The following BRINP2 variants were observed in gnomAD, a reference collection of about 807,000 sequenced individuals.
BRINP2 encodes BMP/retinoic acid-inducible neural-specific protein 2.
BRINP2 carries 21 observed loss-of-function variants against 69.2 expected under a neutral mutation model. The ratio of observed to expected loss-of-function variants is 0.30; its 90% CI spans 0.22 to 0.44. BRINP2 has a LOEUF of 0.44. BRINP2 is among the 20% of genes least tolerant of loss of function. The pLI, the probability that BRINP2 is intolerant of heterozygous loss-of-function variation, is 1.00. For missense variants in BRINP2, 877 were observed against 986.0 expected (o/e 0.89, Z 1.48); for synonymous variants, 380 against 394.1 (o/e 0.96, Z 0.42).
rs568465076 is a variant in BRINP2 at position 177,216,543 on chromosome 1, C to G, written c.-76-13258C>G. On this transcript the variant is annotated intron_variant, in intron 1 of 7. Transcript: ENST00000361539. ...TACTTTGCATACTACTATCACAGTC[C>G]TAGGCTATTCCACATTTTGCTACAT... is the stretch of plus-strand genomic sequence containing the variant. 1.7e-4 allele frequency among the ~76,000 whole-genome samples: 26 copies of G among 152,142 alleles called. No individual in the cohort carries two copies. In the South Asian group the frequency reaches 5.2e-3, roughly 30 times the overall value.
chr1:177,263,703 G>A (rs1651029974), intron 4 of BRINP2, among the ~76,000 whole-genome samples: 3 of 152,226 alleles, frequency 2.0e-5, no homozygotes, highest in Admixed American at 2.0e-4. Flanking sequence ...GATTTACAGA[G>A]TCTGGAGTGA....
intron 4 of BRINP2, among the ~76,000 whole-genome samples, chr1:177,263,961 G>C (rs1651038595): frequency 6.6e-6 from 1 of 152,146 alleles, no homozygotes; most frequent in Non-Finnish European, 1.5e-5. Flanking sequence ...AAACTATGCT[G>C]AGTGATCTTA....
chr1:177,270,085 G>A (rs201933417), intron 4 of BRINP2, among the ~76,000 whole-genome samples: 12 of 139,242 alleles, frequency 8.6e-5, no homozygotes, highest in Admixed American at 7.2e-4. Flanking sequence ...CAAGGGGTGG[G>A]GGGGGTGGTT....
chr1:177,186,567 T>C (rs1189162279), intron 1 of BRINP2, among the ~76,000 whole-genome samples: 1 of 152,062 alleles, frequency 6.6e-6, no homozygotes, highest in African/African-American at 2.4e-5. Context: ...CCTTCAAAGA[T>C]ACTTATGTAG....
At chr1:177,201,584 C>G (rs2861918) in intron 1 of BRINP2, among the ~76,000 whole-genome samples, 50,534 of 152,010 alleles carry the variant, frequency 0.33, 8,770 homozygotes, top group South Asian at 0.46. Context: ...ATTTAGCTGG[C>G]TGAAGTTTGC....
intron 1 of BRINP2, among the ~76,000 whole-genome samples, chr1:177,220,601 C>A (rs990457925): frequency 3.3e-5 from 5 of 152,198 alleles, no homozygotes; most frequent in African/African-American, 1.2e-4. Context: ...GCCAATCAAA[C>A]CCTTTTCTTT....
At chr1:177,190,329 A>G (rs1648551029) in intron 1 of BRINP2, among the ~76,000 whole-genome samples, 1 of 152,194 alleles carries the variant, frequency 6.6e-6, no homozygotes, top group Non-Finnish European at 1.5e-5. Context: ...CATTTAAAAC[A>G]TGTCCTTTCA....
chr1:177,173,103 C>T (rs1183071464), intron 1 of BRINP2, among the ~76,000 whole-genome samples: 1 of 152,182 alleles, frequency 6.6e-6, no homozygotes, highest in Non-Finnish European at 1.5e-5. Flanking sequence ...TGCTTTCCCT[C>T]CTGACTCACA....
Position 177,256,034 on chromosome 1 carries a change from C to T in BRINP2, c.385C>T (p.Pro129Ser). The change falls in exon 3 of 8, where the codon CCC becomes TCC. Residue 129 changes from proline (P) to serine (S), a missense_variant. Physicochemically the swap from Pro to Ser is moderately conservative, Grantham distance 74. Coordinates refer to ENST00000361539, the MANE Select transcript of BRINP2 (RefSeq NM_021165.4). ...IRNIRLLGRRPNLQQVTENLI... is the reference protein window; with the variant it reads ...IRNIRLLGRRSNLQQVTENLI... ...GAACATTCGCCTCCTTGGAAGGAGA[C>T]CCAATCTGCAACAGGTTACAGAAAA... 6 of 1,614,196 alleles carry T rather than the reference C, an allele frequency of 3.7e-6. No homozygotes were observed. Among genetic ancestry groups the T allele is most frequent in the Non-Finnish European group, 5.1e-6 (6 of 1,180,038 alleles).
intron 2 of BRINP2, among the ~76,000 whole-genome samples, chr1:177,249,140 C>T (rs755986610): frequency 3.3e-5 from 5 of 152,162 alleles, no homozygotes; most frequent in East Asian, 1.9e-4. Context: ...TTCTGAGTGT[C>T]GGTATGCTTG....
intron 1 of BRINP2, among the ~76,000 whole-genome samples, chr1:177,180,072 A>G (rs1409978684): frequency 6.6e-6 from 1 of 152,230 alleles, no homozygotes; most frequent in Non-Finnish European, 1.5e-5. Context: ...AAGTTCATAC[A>G]TATTTAATAT....
chr1:177,174,727 C>T (rs1249629087), intron 1 of BRINP2, among the ~76,000 whole-genome samples: 1 of 152,150 alleles, frequency 6.6e-6, no homozygotes, highest in African/African-American at 2.4e-5. Flanking sequence ...TGGGGTTTAC[C>T]CTGGGCTACC....
intron 1 of BRINP2, among the ~76,000 whole-genome samples, chr1:177,218,639 G>A (rs912187818): frequency 6.6e-6 from 1 of 152,104 alleles, no homozygotes; most frequent in African/African-American, 2.4e-5. Flanking sequence ...ACCTCAAAAT[G>A]CTGGGAAAGT....
At position 177,253,805 on chromosome 1, in the gene BRINP2, TC is replaced by T. The variant is rs1456542376; in HGVS notation, c.270-2112del. 3.9e-4 allele frequency among the ~76,000 whole-genome samples: 60 copies of T among 152,276 alleles called. 2 individuals are homozygous for T. The highest frequency in any genetic ancestry group is 2.4e-3 in the Admixed American group (37 of 15,296). On this transcript the variant is annotated intron_variant, in intron 2 of 7. Coordinates refer to ENST00000361539, the MANE Select transcript of BRINP2 (RefSeq NM_021165.4). ...ATATTCTCCTTTCCCCAATGTGTGT[TC>T]CTGGCACCTTTGTCAAAAATCCGTT...
intron 1 of BRINP2, among the ~76,000 whole-genome samples, chr1:177,179,213 T>C (rs1211568006): frequency 6.8e-6 from 1 of 147,246 alleles, no homozygotes; most frequent in African/African-American, 2.7e-5. Context: ...AATAGAGTAT[T>C]GTCAGACAGA....
rs558780115 is a variant in BRINP2, at chr1:177,256,883, C to A, written c.461-293C>A. The A allele has an allele frequency of 7.3e-6, 9 of 1,230,304 alleles. No individual in the cohort carries two copies. In the East Asian group the frequency reaches 3.9e-4, roughly 53 times the overall value. The allele number at this position is 1,230,304 out of a possible 1,614,324, so 76.2% of individuals were successfully genotyped here. ...CAACTTGAGAGAGAGAATTGTGTCT[C>A]CCCTATGAAGATGGATTGCTTGAGA... On this transcript the variant is annotated intron_variant, in intron 3 of 7. Transcript: ENST00000361539.
At chr1:177,180,756 C>T (rs1011723107) in intron 1 of BRINP2, among the ~76,000 whole-genome samples, 5 of 152,156 alleles carry the variant, frequency 3.3e-5, no homozygotes, top group African/African-American at 1.2e-4. Flanking sequence ...GTATTCAAAA[C>T]ACATTGAAGA....
intron 4 of BRINP2, among the ~76,000 whole-genome samples, chr1:177,260,290 A>T (rs566136345): frequency 2.0e-5 from 3 of 152,372 alleles, no homozygotes; most frequent in Non-Finnish European, 4.4e-5. Context: ...TTATGATAAA[A>T]TGTGAATAAA....
intron 1 of BRINP2, among the ~76,000 whole-genome samples, chr1:177,189,388 A>G (rs1179865768): frequency 1.7e-5 from 1 of 58,784 alleles, no homozygotes; most frequent in Non-Finnish European, 3.2e-5. Context: ...AGGGTTCAGG[A>G]CAGTCCTGCC....
Sources: allele counts gnomAD v4.1 joint callset (sites outside exome capture counted in the v4.1 genomes callset), GRCh38; gene constraint gnomAD v4.1.1; transcripts MANE v1.5; gene names NCBI Gene and HGNC (gene_info 2026-07-23, HGNC 2026-07-21).